FHIT: variants seen among roughly 807,000 people sequenced by gnomAD.
FHIT encodes fragile histidine triad diadenosine triphosphatase.
A neutral mutation model predicts 17.9 loss-of-function variants in FHIT; 19 were observed. The observed-to-expected ratio is 1.06, with a 90% confidence interval of 0.74 to 1.56. The LOEUF is 1.56. Among genes scored for constraint, FHIT ranks in the 40% most tolerant of loss-of-function variants. The probability of loss-of-function intolerance (pLI) is 0.00; values close to 1 mark genes in which losing one functional copy is unlikely to be tolerated. For synonymous variants in FHIT, 81 were observed against 69.7 expected (o/e 1.16, Z -0.81); for missense variants, 248 against 189.2 (o/e 1.31, Z -1.82).
intron 5 of FHIT, among the ~76,000 whole-genome samples, chr3:60,278,653 A>C (rs213359): frequency 0.7 from 106,152 of 151,686 alleles, 37,542 homozygotes; most frequent in East Asian, 0.91. Flanking sequence ...AAGCATCTGG[A>C]ACTTAAAGCT....
intron 4 of FHIT, among the ~76,000 whole-genome samples, chr3:60,807,639 T>C (rs1030117872): frequency 2.0e-5 from 3 of 152,118 alleles, no homozygotes; most frequent in African/African-American, 7.2e-5. Flanking sequence ...TTTATAATAT[T>C]GTTCCTAATA....
intron 4 of FHIT, among the ~76,000 whole-genome samples, chr3:60,728,727 ACAC>A (rs2041968211): frequency 6.6e-6 from 1 of 151,686 alleles, no homozygotes; most frequent in Admixed American, 6.6e-5. Flanking sequence ...ACACACACAC[ACAC>A]AATTGGCATG....
chr3:60,553,478 A>G (rs1299537921), intron 4 of FHIT: 5 of 263,680 alleles, frequency 1.9e-5, no homozygotes, highest in Non-Finnish European at 1.7e-5. Flanking sequence ...TATTTTATAT[A>G]TAAAAATTAT....
At chr3:59,821,977 AG>A (rs1559636046) in intron 8 of FHIT, among the ~76,000 whole-genome samples, 2 of 152,076 alleles carry the variant, frequency 1.3e-5, no homozygotes, top group African/African-American at 4.8e-5. Context: ...GAGTCTCCAA[AG>A]TCCATTGTAT....
intron 4 of FHIT, among the ~76,000 whole-genome samples, chr3:60,540,517 C>G (rs1404822778): frequency 2.0e-5 from 3 of 152,170 alleles, no homozygotes; most frequent in Non-Finnish European, 4.4e-5. Flanking sequence ...CCAAATTCTT[C>G]TGAAATGAAT....
At chr3:61,046,653 C>T (rs999040386) in intron 2 of FHIT, among the ~76,000 whole-genome samples, 2 of 152,282 alleles carry the variant, frequency 1.3e-5, no homozygotes, top group South Asian at 2.1e-4. Context: ...AGGCCAGCAT[C>T]ATCCTGATAG....
intron 4 of FHIT, among the ~76,000 whole-genome samples, chr3:60,691,748 T>C (rs1553699610): frequency 6.6e-6 from 1 of 152,224 alleles, no homozygotes; most frequent in East Asian, 1.9e-4. Context: ...CTCTTTACAA[T>C]ATTTTCTTGA....
At position 60,435,362 on chromosome 3, in the gene FHIT, G is replaced by C. The variant is rs561622077; in HGVS notation, c.103+101498C>G. On this transcript the variant is annotated intron_variant, in intron 5 of 9. Transcript: ENST00000492590. ...AAAATTCAGATATGATGGCAAGGCTGTTTTTAACAACTCTCCTGATGTGAT... is the reference window on the plus strand; with the variant it reads ...AAAATTCAGATATGATGGCAAGGCTCTTTTTAACAACTCTCCTGATGTGAT... 1.2e-4 allele frequency among the ~76,000 whole-genome samples: 18 copies of C among 152,182 alleles called. No individual in the cohort carries two copies. In the South Asian group the frequency reaches 3.3e-3, roughly 28 times the overall value.
chr3:60,262,519 T>G (rs1205948214), intron 5 of FHIT, among the ~76,000 whole-genome samples: 1 of 152,030 alleles, frequency 6.6e-6, no homozygotes, highest in Non-Finnish European at 1.5e-5. Flanking sequence ...ATGACTTAGA[T>G]ATGACTATTC....
intron 4 of FHIT, among the ~76,000 whole-genome samples, chr3:60,589,347 G>A (rs543455889): frequency 6.6e-6 from 1 of 152,028 alleles, no homozygotes; most frequent in African/African-American, 2.4e-5. Context: ...TTGTATTTGT[G>A]TGAACTCCTC....
intron 5 of FHIT, among the ~76,000 whole-genome samples, chr3:60,155,010 G>A (rs1700619220): frequency 6.6e-6 from 1 of 151,838 alleles, no homozygotes; most frequent in Non-Finnish European, 1.5e-5. Context: ...GACCACTCTG[G>A]GCAACATAGT....
At chr3:60,464,528 T>C (rs2032673104) in intron 5 of FHIT, among the ~76,000 whole-genome samples, 1 of 152,100 alleles carries the variant, frequency 6.6e-6, no homozygotes, top group South Asian at 2.1e-4. Context: ...TCCCAGCTTC[T>C]GGTAACAATC....
chr3:60,348,266 T>C (rs1035178874), intron 5 of FHIT, among the ~76,000 whole-genome samples: 4 of 152,216 alleles, frequency 2.6e-5, no homozygotes, highest in African/African-American at 9.6e-5. Context: ...TTAGATTAGG[T>C]TGTTAATTAT....
Position 60,508,976 on chromosome 3 carries a change from C to T in FHIT, c.103+27884G>A, listed in dbSNP as rs529506618. Among the ~76,000 whole-genome samples, 3 of 152,250 alleles carry T rather than the reference C, an allele frequency of 2.0e-5. No homozygotes were observed. In the East Asian group the frequency reaches 5.8e-4, roughly 29 times the overall value. On this transcript the variant is annotated intron_variant, in intron 5 of 9. Transcript: ENST00000492590. ...AGACACAAATCACTGCTTTAAGATTCCCTCTCTAGACCCACATAGTACATA... is the reference window on the plus strand; with the variant it reads ...AGACACAAATCACTGCTTTAAGATTTCCTCTCTAGACCCACATAGTACATA...
At chr3:60,029,930 C>A (rs1210603156) in intron 5 of FHIT, among the ~76,000 whole-genome samples, 2 of 23,904 alleles carry the variant, frequency 8.4e-5, no homozygotes, top group Non-Finnish European at 2.5e-4. Flanking sequence ...TGTGTGTGTA[C>A]AAATGTGATG....
chr3:60,973,737 C>A (rs1226450798), intron 3 of FHIT, among the ~76,000 whole-genome samples: 1 of 152,080 alleles, frequency 6.6e-6, no homozygotes, highest in Non-Finnish European at 1.5e-5. Context: ...AAGTATTGAC[C>A]TTCACTAGGC....
chr3:59,831,514 C>G (rs1043457573), intron 8 of FHIT, among the ~76,000 whole-genome samples: 7 of 152,094 alleles, frequency 4.6e-5, no homozygotes, highest in Non-Finnish European at 2.9e-5. Flanking sequence ...AGCCTGTGCC[C>G]TTAGTTACTA....
intron 7 of FHIT, among the ~76,000 whole-genome samples, chr3:59,949,314 T>C (rs184222186): frequency 6.6e-5 from 10 of 152,352 alleles, no homozygotes; most frequent in East Asian, 3.9e-4. Context: ...GAGTCTGCCA[T>C]AGATGGCCCT....
chr3:60,925,121 T>C (rs1040650560), intron 3 of FHIT, among the ~76,000 whole-genome samples: 1 of 152,202 alleles, frequency 6.6e-6, no homozygotes, highest in Admixed American at 6.5e-5. Flanking sequence ...TGGAACCAAC[T>C]TGCAAAACAC....
Sources: gnomAD v4.1 joint callset for allele counts (sites outside exome capture counted in the v4.1 genomes callset) on GRCh38, gnomAD v4.1.1 for gene constraint, MANE v1.5 for transcripts, NCBI Gene and HGNC (gene_info 2026-07-23, HGNC 2026-07-21) for gene names.